Variants in NDUFS4 observed in about 807,000 individuals in gnomAD.
NDUFS4 encodes NADH dehydrogenase [ubiquinone] iron-sulfur protein 4, mitochondrial.
In NDUFS4, 28 loss-of-function variants were observed where a neutral mutation model predicts 24.3. The ratio of observed to expected loss-of-function variants is 1.15; its 90% CI spans 0.85 to 1.58. The LOEUF is 1.58. NDUFS4 is among the 40% of genes most tolerant of loss of function. The pLI is 0.00. For synonymous variants in NDUFS4, 93 were observed against 69.7 expected, an observed-to-expected ratio of 1.34 and a Z score of -1.67; for missense variants, 223 against 207.9, an observed-to-expected ratio of 1.07 and a Z score of -0.45.
At chr5:53,630,915 C>G (rs1465402431) in intron 2 of NDUFS4, among the ~76,000 whole-genome samples, 1 of 152,132 alleles carries the variant, frequency 6.6e-6, no homozygotes, top group African/African-American at 2.4e-5. Flanking sequence ...GTCCAGTTTC[C>G]TTTTCTTGCT....
intron 4 of NDUFS4, 147 bp from the exon 5 acceptor site, chr5:53,682,969 AGT>A: frequency 1.4e-6 from 1 of 713,384 alleles, no homozygotes. Flanking sequence ...GGGAACAAAT[AGT>A]AAGTATATCT....
chr5:53,659,830 T>C (rs778715385), intron 4 of NDUFS4, among the ~76,000 whole-genome samples: 3 of 152,188 alleles, frequency 2.0e-5, no homozygotes, highest in Non-Finnish European at 2.9e-5. Flanking sequence ...GAAGTCAACC[T>C]ATCTGCCTTT....
intron 1 of NDUFS4, among the ~76,000 whole-genome samples, chr5:53,594,637 C>T (rs1428359425): frequency 6.6e-6 from 1 of 151,924 alleles, no homozygotes; most frequent in Non-Finnish European, 1.5e-5. Flanking sequence ...TTTATGTATC[C>T]TACAGATTAG....
chr5:53,608,148 T>A (rs1750585259), intron 2 of NDUFS4, among the ~76,000 whole-genome samples: 1 of 152,210 alleles, frequency 6.6e-6, no homozygotes, highest in African/African-American at 2.4e-5. Flanking sequence ...ATATAAAAGT[T>A]ATGTTTCTAC....
intron 2 of NDUFS4, among the ~76,000 whole-genome samples, chr5:53,628,687 G>A (rs926837017): frequency 5.3e-5 from 8 of 152,160 alleles, no homozygotes; most frequent in African/African-American, 1.4e-4. Context: ...AGTATTCTCT[G>A]ATAGTAGTTT....
chr5:53,598,384 T>C (rs1204291456), intron 1 of NDUFS4, among the ~76,000 whole-genome samples: 1 of 152,196 alleles, frequency 6.6e-6, no homozygotes, highest in African/African-American at 2.4e-5. Context: ...TTTGAAAGAT[T>C]TTTTTAAAGA....
chr5:53,565,869 A>G (rs79379207), intron 1 of NDUFS4, among the ~76,000 whole-genome samples: 14,619 of 150,302 alleles, frequency 0.097, 1,017 homozygotes, highest in Admixed American at 0.21. Context: ...TAACTATGCG[A>G]AGTTTTAAAA....
intron 2 of NDUFS4, among the ~76,000 whole-genome samples, chr5:53,635,777 C>CA (rs1446392970): frequency 6.6e-6 from 1 of 152,048 alleles, no homozygotes; most frequent in African/African-American, 2.4e-5. Flanking sequence ...ACTTAGAAAA[C>CA]AAAGATTTTT....
chr5:53,677,323 A>G (rs1318865395), intron 4 of NDUFS4, among the ~76,000 whole-genome samples: 2 of 152,178 alleles, frequency 1.3e-5, no homozygotes, highest in Non-Finnish European at 2.9e-5. Context: ...GCAGGTGTAG[A>G]GTATTACTAA....
chr5:53,624,577 A>C (rs1474601690), intron 2 of NDUFS4, among the ~76,000 whole-genome samples: 1 of 152,130 alleles, frequency 6.6e-6, no homozygotes, highest in Non-Finnish European at 1.5e-5. Flanking sequence ...TAAGTATTAC[A>C]TTCTTTTCTA....
intron 3 of NDUFS4, among the ~76,000 whole-genome samples, chr5:53,653,709 C>T (rs1327667836): frequency 6.6e-6 from 1 of 152,014 alleles, no homozygotes; most frequent in African/African-American, 2.4e-5. Flanking sequence ...ATATATCCTT[C>T]CAGACTTTTT....
At chr5:53,661,423 G>A (rs1374238246) in intron 4 of NDUFS4, among the ~76,000 whole-genome samples, 1 of 152,200 alleles carries the variant, frequency 6.6e-6, no homozygotes, top group Non-Finnish European at 1.5e-5. Flanking sequence ...ATAGTTTGAA[G>A]TCAGGTAGCT....
At chr5:53,579,071 TCTC>T (rs945526805) in intron 1 of NDUFS4, among the ~76,000 whole-genome samples, 1 of 152,206 alleles carries the variant, frequency 6.6e-6, no homozygotes, top group African/African-American at 2.4e-5. Context: ...AATATTTTCT[TCTC>T]AGTCCTTATC....
intron 2 of NDUFS4, among the ~76,000 whole-genome samples, chr5:53,607,868 C>T (rs1026837754): frequency 2.6e-5 from 4 of 152,144 alleles, no homozygotes; most frequent in East Asian, 3.8e-4. Flanking sequence ...GATTTTCAAA[C>T]GAGTGCCAAA....
intron 2 of NDUFS4, among the ~76,000 whole-genome samples, chr5:53,629,348 A>G (rs918199986): frequency 3.9e-5 from 6 of 152,108 alleles, no homozygotes; most frequent in Non-Finnish European, 8.8e-5. Context: ...AGAAGAATGT[A>G]TATTCTATTG....
chr5:53,637,155 A>G (rs981833477), intron 2 of NDUFS4, among the ~76,000 whole-genome samples: 1 of 152,080 alleles, frequency 6.6e-6, no homozygotes. Flanking sequence ...CAAGCCAAGG[A>G]CTCTTCATAA....
At chr5:53,589,960 G>T (rs945175137) in intron 1 of NDUFS4, among the ~76,000 whole-genome samples, 1 of 152,130 alleles carries the variant, frequency 6.6e-6, no homozygotes, top group African/African-American at 2.4e-5. Context: ...CCTTGTGATG[G>T]TGTGAGTTAA....
At chr5:53,622,581 A>G (rs1050884930) in intron 2 of NDUFS4, among the ~76,000 whole-genome samples, 1 of 152,136 alleles carries the variant, frequency 6.6e-6, no homozygotes, top group Non-Finnish European at 1.5e-5. Flanking sequence ...TCTAAATACC[A>G]TCACATTTAG....
chr5:53,561,500 C>A (rs942690889), intron 1 of NDUFS4, among the ~76,000 whole-genome samples: 1 of 93,318 alleles, frequency 1.1e-5, no homozygotes, highest in Non-Finnish European at 2.1e-5. Flanking sequence ...TTCCTTGAAG[C>A]ATTTTTGTGA....
Sources: gnomAD v4.1 joint callset for allele counts (sites outside exome capture counted in the v4.1 genomes callset) on GRCh38, gnomAD v4.1.1 for gene constraint, MANE v1.5 for transcripts, NCBI Gene and HGNC (gene_info 2026-07-23, HGNC 2026-07-21) for gene names.